ACER3: variants seen among roughly 807,000 people sequenced by gnomAD.
ACER3 encodes alkaline ceramidase 3.
In ACER3, 16 loss-of-function variants were observed where a neutral mutation model predicts 48.9. That is an observed-to-expected ratio of 0.33 (90% confidence interval 0.22 to 0.50). The LOEUF is 0.50. Ranked by LOEUF, ACER3 falls within the 20% of genes least tolerant of loss-of-function variation. The probability of loss-of-function intolerance (pLI) is 0.98; values close to 1 mark genes in which losing one functional copy is unlikely to be tolerated. For missense variants in ACER3, 227 were observed against 326.0 expected (o/e 0.70, Z 2.34); for synonymous variants, 109 against 107.8 (o/e 1.01, Z -0.07).
At chr11:76,985,245 A>G (rs1948664093) in intron 4 of ACER3, among the ~76,000 whole-genome samples, 1 of 152,168 alleles carries the variant, frequency 6.6e-6, no homozygotes, top group Admixed American at 6.5e-5. Context: ...CTGGGACTAC[A>G]GGTGTACACC....
intron 1 of ACER3, among the ~76,000 whole-genome samples, chr11:76,880,625 C>T (rs896867260): frequency 6.6e-6 from 1 of 152,230 alleles, no homozygotes; most frequent in South Asian, 2.1e-4. Context: ...GCATTCCTTC[C>T]TCCAGGGCAT....
chr11:76,962,673 A>G (rs1389893905), intron 3 of ACER3, among the ~76,000 whole-genome samples: 3 of 151,558 alleles, frequency 2.0e-5, no homozygotes, highest in South Asian at 2.1e-4. Flanking sequence ...GAATTCAAGG[A>G]CAAGTCGAAA....
Position 76,863,314 on chromosome 11 carries a change from A to T in ACER3, c.103+2235A>T, listed in dbSNP as rs956689059. Among the ~76,000 whole-genome samples, 3 of 152,368 alleles carry T rather than the reference A, an allele frequency of 2.0e-5. No homozygotes were observed. The South Asian group carries it at 6.2e-4, about 32-fold the overall frequency. On this transcript the variant is annotated intron_variant, in intron 1 of 10. Coordinates refer to ENST00000532485, the MANE Select transcript of ACER3 (RefSeq NM_018367.7). ...AGCAAGATACTGTGTTCTGGCAGAT[A>T]GCTCTGAGAAATGGGAAATGACATT... is the stretch of plus-strand genomic sequence containing the variant.
At chr11:76,973,719 A>G (rs1414060024) in intron 3 of ACER3, among the ~76,000 whole-genome samples, 1 of 152,182 alleles carries the variant, frequency 6.6e-6, no homozygotes, top group African/African-American at 2.4e-5. Flanking sequence ...TGATGCAAAA[A>G]AAGTTTTCAG....
At chr11:76,877,645 T>C (rs1431441338) in intron 1 of ACER3, among the ~76,000 whole-genome samples, 1 of 152,090 alleles carries the variant, frequency 6.6e-6, no homozygotes, top group African/African-American at 2.4e-5. Context: ...GTTCAGAAAG[T>C]CCAACCTAAA....
chr11:76,967,600 A>G (rs930160964), intron 3 of ACER3, among the ~76,000 whole-genome samples: 9 of 152,136 alleles, frequency 5.9e-5, no homozygotes, highest in African/African-American at 1.2e-4. Context: ...ACCATGATCA[A>G]GTGGGCTTCA....
intron 4 of ACER3, among the ~76,000 whole-genome samples, chr11:76,982,377 C>T (rs1948604362): frequency 6.6e-6 from 1 of 151,932 alleles, no homozygotes; most frequent in Non-Finnish European, 1.5e-5. Flanking sequence ...CCACCACCTC[C>T]AGCTAATTTT....
In ACER3 at chr11:77,015,539, A is replaced by G. The variant is rs139322977; in HGVS notation, c.599+422A>G. Reference sequence around the variant, plus strand: ...GTGTTCCTTTTACCATCTTGTCAGCAATCATATATTGACAGGAGTTTGAAT... The same window carrying G: ...GTGTTCCTTTTACCATCTTGTCAGCGATCATATATTGACAGGAGTTTGAAT... On this transcript the variant is annotated intron_variant, in intron 8 of 10. Coordinates refer to ENST00000532485, the MANE Select transcript of ACER3 (RefSeq NM_018367.7). 9.7e-3 allele frequency among the ~76,000 whole-genome samples: 1,481 copies of G among 152,310 alleles called. 19 individuals carry two copies. The highest frequency in any genetic ancestry group is 0.031 in the Middle Eastern group (9 of 294).
chr11:76,896,416 T>G (rs1945930886), intron 1 of ACER3, among the ~76,000 whole-genome samples: 1 of 145,148 alleles, frequency 6.9e-6, no homozygotes, highest in Non-Finnish European at 1.5e-5. Context: ...CTCAGCACTT[T>G]GGGAAGCTAA....
intron 2 of ACER3, among the ~76,000 whole-genome samples, chr11:76,954,306 C>A (rs1051721637): frequency 2.6e-5 from 4 of 152,100 alleles, no homozygotes; most frequent in African/African-American, 9.7e-5. Flanking sequence ...TCATTGGATC[C>A]CTACACCAAG....
At chr11:76,864,915 A>G (rs956146860) in intron 1 of ACER3, among the ~76,000 whole-genome samples, 37 of 137,808 alleles carry the variant, frequency 2.7e-4, no homozygotes, top group African/African-American at 8.5e-4. Context: ...TTTCTTTTAA[A>G]TTAATTTTTT....
At chr11:76,899,127 A>C (rs187807812) in intron 1 of ACER3, among the ~76,000 whole-genome samples, 1 of 152,276 alleles carries the variant, frequency 6.6e-6, no homozygotes, top group African/African-American at 2.4e-5. Flanking sequence ...ACAGATTTCT[A>C]GGGAAAATGA....
At chr11:76,875,175 G>C (rs553595121) in intron 1 of ACER3, among the ~76,000 whole-genome samples, 1 of 137,540 alleles carries the variant, frequency 7.3e-6, no homozygotes, top group Non-Finnish European at 1.5e-5. Flanking sequence ...GTGCAGTGGT[G>C]AGATCTTGGC....
rs201421369 is a variant in ACER3, at chr11:76,976,275, T to C, written c.268-14T>C. 7 of 1,594,858 alleles carry C rather than the reference T, an allele frequency of 4.4e-6. No homozygotes were observed. The East Asian group carries it at 1.3e-4, about 31-fold the overall frequency. On this transcript the variant is annotated splice_polypyrimidine_tract_variant and intron_variant, in intron 3 of 10. Transcript: ENST00000532485. ...ATGATATTCAAGCCTGTTATCTATC[T>C]TTGTTTCTTACAGCTATTGGATGAA... is the stretch of plus-strand genomic sequence containing the variant.
intron 1 of ACER3, among the ~76,000 whole-genome samples, chr11:76,914,789 A>C (rs1341519464): frequency 5.9e-5 from 9 of 152,238 alleles, no homozygotes; most frequent in Non-Finnish European, 1.3e-4. Flanking sequence ...AAGACTTGGA[A>C]CCAACCCAGA....
chr11:77,013,129 C>T (rs992127808), intron 7 of ACER3, among the ~76,000 whole-genome samples: 38 of 152,100 alleles, frequency 2.5e-4, no homozygotes, highest in Middle Eastern at 6.8e-3. Flanking sequence ...AGTTCTATTT[C>T]CAAATGTAAA....
At chr11:76,888,151 A>G (rs1417442939) in intron 1 of ACER3, among the ~76,000 whole-genome samples, 1 of 152,128 alleles carries the variant, frequency 6.6e-6, no homozygotes, top group African/African-American at 2.4e-5. Flanking sequence ...GGTTATATGT[A>G]TGGTAAGCAT....
At chr11:77,006,984 T>C (rs1007161497) in intron 7 of ACER3, among the ~76,000 whole-genome samples, 1 of 152,020 alleles carries the variant, frequency 6.6e-6, no homozygotes, top group South Asian at 2.1e-4. Flanking sequence ...TTGTGATATA[T>C]ACCTGTAGTC....
At chr11:76,881,259 A>G (rs972168781) in intron 1 of ACER3, among the ~76,000 whole-genome samples, 3 of 151,620 alleles carry the variant, frequency 2.0e-5, no homozygotes, top group African/African-American at 7.3e-5. Context: ...TGTCTCAAAA[A>G]AAAAAAAAAA....
Sources: gnomAD v4.1 joint callset for allele counts (sites outside exome capture counted in the v4.1 genomes callset) on GRCh38, gnomAD v4.1.1 for gene constraint, MANE v1.5 for transcripts, NCBI Gene and HGNC (gene_info 2026-07-23, HGNC 2026-07-21) for gene names.